Variants in SND1 observed in about 807,000 individuals in gnomAD.
SND1 encodes staphylococcal nuclease and tudor domain containing 1.
Under a neutral mutation model 121.7 loss-of-function variants are expected in SND1, and 38 were observed. The ratio of observed to expected loss-of-function variants is 0.31; its 90% CI spans 0.24 to 0.41. SND1 has a LOEUF of 0.41. Ranked by LOEUF, SND1 falls within the 10% of genes least tolerant of loss-of-function variation. The pLI, the probability that SND1 is intolerant of heterozygous loss-of-function variation, is 1.00. For missense variants in SND1, 868 were observed against 1,184.6 expected, an observed-to-expected ratio of 0.73 and a Z score of 3.92; for synonymous variants, 401 against 447.4, an observed-to-expected ratio of 0.90 and a Z score of 1.31.
At chr7:128,041,191 A>G (rs1270297395) in intron 16 of SND1, among the ~76,000 whole-genome samples, 1 of 152,146 alleles carries the variant, frequency 6.6e-6, no homozygotes, top group Non-Finnish European at 1.5e-5. Flanking sequence ...TCCTAGCACT[A>G]CAGGAGGTCG....
At position 127,703,302 on chromosome 7, in the gene SND1, T is replaced by C; in HGVS notation, c.819T>C (p.Ile273=). Residue 273 remains isoleucine, a synonymous_variant, in exon 7 of 24, where the codon ATT becomes ATC. Transcript: ENST00000354725. ...IILESCHNQN[I]LGTILHPNGN... ...TGGAGAGCTGCCACAACCAGAACAT[T>C]CTGGGTACCATCCTTCATCCAGTGA... 1 of 1,614,078 alleles carries C rather than the reference T, an allele frequency of 6.2e-7. No individual in the cohort carries two copies. The highest frequency in any genetic ancestry group is 8.5e-7 in the Non-Finnish European group (1 of 1,179,978).
chr7:127,806,816 G>A (rs1208317125), intron 10 of SND1, among the ~76,000 whole-genome samples: 1 of 152,032 alleles, frequency 6.6e-6, no homozygotes, highest in Non-Finnish European at 1.5e-5. Context: ...AAAATTAGCT[G>A]GGTGTGGTGA....
chr7:127,881,855 C>T (rs1049108104), intron 12 of SND1, among the ~76,000 whole-genome samples: 1 of 152,144 alleles, frequency 6.6e-6, no homozygotes, highest in Admixed American at 6.5e-5. Flanking sequence ...CTCACTGTAG[C>T]CTTGATCTCC....
At chr7:127,707,408 T>C in intron 8 of SND1, 149 bp from the exon 9 acceptor site, 1 of 575,510 alleles carries the variant, frequency 1.7e-6, no homozygotes, top group Non-Finnish European at 3.1e-6. Context: ...TTTCATTTAC[T>C]CTCGCTCTTT....
chr7:128,040,437 TAAAAAAAAAAAAA>T (rs67595921), intron 16 of SND1, among the ~76,000 whole-genome samples: 93 of 32,904 alleles, frequency 2.8e-3, no homozygotes, highest in African/African-American at 7.2e-3. Flanking sequence ...GTCCTATCTT[TAAAAAAAAAAAAA>T]AAAAAAAAAA....
intron 2 of SND1, among the ~76,000 whole-genome samples, chr7:127,690,579 T>C (rs996549537): frequency 6.6e-6 from 1 of 152,270 alleles, no homozygotes; most frequent in African/African-American, 2.4e-5. Context: ...TTTATATATC[T>C]TTCTCTACTG....
chr7:127,997,983 C>A, intron 16 of SND1: 1 of 534,256 alleles, frequency 1.9e-6, no homozygotes, highest in Non-Finnish European at 3.9e-6. Context: ...GTGCACTTAC[C>A]AATAGTATAC....
At chr7:127,933,670 A>G (rs548693587) in intron 15 of SND1, among the ~76,000 whole-genome samples, 2 of 152,342 alleles carry the variant, frequency 1.3e-5, no homozygotes, top group African/African-American at 4.8e-5. Flanking sequence ...CAGATCATCA[A>G]TAAATATGAT....
chr7:127,998,310 C>T (rs543308555), intron 16 of SND1: 7 of 239,552 alleles, frequency 2.9e-5, no homozygotes, highest in African/African-American at 1.3e-4. Flanking sequence ...AAGTCCATAG[C>T]CAAAACCTGA....
At chr7:127,991,487 A>G (rs1004202474) in intron 16 of SND1, among the ~76,000 whole-genome samples, 2 of 152,104 alleles carry the variant, frequency 1.3e-5, no homozygotes, top group Non-Finnish European at 2.9e-5. Flanking sequence ...ATTTAATTGT[A>G]TTTCTGTTTC....
chr7:127,759,837 T>C (rs990719099), intron 10 of SND1, among the ~76,000 whole-genome samples: 2 of 152,244 alleles, frequency 1.3e-5, no homozygotes, highest in Admixed American at 1.3e-4. Context: ...TCTCCAACAG[T>C]GAGAAGCCTT....
chr7:127,756,867 G>T (rs1306059700), intron 10 of SND1, among the ~76,000 whole-genome samples: 1 of 152,084 alleles, frequency 6.6e-6, no homozygotes, highest in Non-Finnish European at 1.5e-5. Flanking sequence ...AATATTATTT[G>T]TTTAAATATA....
chr7:127,865,295 T>C (rs1205119797), intron 12 of SND1, among the ~76,000 whole-genome samples: 2 of 152,250 alleles, frequency 1.3e-5, no homozygotes, highest in Non-Finnish European at 2.9e-5. Context: ...ATAAAGAATT[T>C]GAAGTTCGTT....
intron 17 of SND1, among the ~76,000 whole-genome samples, chr7:128,079,095 G>C (rs961345835): frequency 6.6e-6 from 1 of 152,258 alleles, no homozygotes; most frequent in Non-Finnish European, 1.5e-5. Context: ...GATCCTCAGA[G>C]CTGCAAGCGT....
chr7:127,903,119 T>C (rs1800268777), intron 13 of SND1, among the ~76,000 whole-genome samples: 1 of 152,068 alleles, frequency 6.6e-6, no homozygotes, highest in Non-Finnish European at 1.5e-5. Flanking sequence ...CCTGACCTTG[T>C]GATCTACCTT....
chr7:128,047,555 T>C (rs1320305650), intron 16 of SND1, among the ~76,000 whole-genome samples: 2 of 152,348 alleles, frequency 1.3e-5, no homozygotes, highest in East Asian at 3.9e-4. Context: ...ACACATAGAA[T>C]ACAGAACAGT....
chr7:127,858,529 G>A (rs1257959551), intron 12 of SND1: 8 of 475,864 alleles, frequency 1.7e-5, no homozygotes, highest in Admixed American at 6.5e-5. Context: ...TTTATGCAGT[G>A]CAGATCTAAA....
intron 16 of SND1, among the ~76,000 whole-genome samples, chr7:128,067,045 C>T (rs548601026): frequency 6.6e-6 from 1 of 152,288 alleles, no homozygotes; most frequent in South Asian, 2.1e-4. Context: ...CCTGCTTGCC[C>T]TTCTCTCCTG....
intron 9 of SND1, among the ~76,000 whole-genome samples, chr7:127,716,949 C>A (rs973374537): frequency 2.6e-5 from 4 of 152,182 alleles, no homozygotes; most frequent in African/African-American, 9.7e-5. Context: ...AAAAAGGGAT[C>A]AAGACTTGGT....
Sources: allele counts gnomAD v4.1 joint callset (sites outside exome capture counted in the v4.1 genomes callset), GRCh38; gene constraint gnomAD v4.1.1; transcripts MANE v1.5; gene names NCBI Gene and HGNC (gene_info 2026-07-23, HGNC 2026-07-21).